Variants in MCTP2 observed in about 807,000 individuals in gnomAD.
MCTP2 encodes the protein multiple C2 and transmembrane domain containing 2.
In MCTP2, 132 loss-of-function variants were observed where a neutral mutation model predicts 111.6. The observed-to-expected ratio is 1.18, with a 90% CI of 1.03 to 1.37. The LOEUF (loss-of-function observed/expected upper bound fraction) is 1.37, where lower values mean the gene tolerates loss of function less well. Among genes scored for constraint, MCTP2 ranks in the 40% most tolerant of loss-of-function variants. The pLI is 0.00. For missense variants in MCTP2, 1,183 were observed against 1,067.9 expected (o/e 1.11, Z -1.50); for synonymous variants, 395 against 387.7 (o/e 1.02, Z -0.22).
chr15:94,380,241 T>G (rs898173677), intron 12 of MCTP2, among the ~76,000 whole-genome samples: 5 of 152,122 alleles, frequency 3.3e-5, no homozygotes, highest in Non-Finnish European at 4.4e-5. Context: ...AGTGGAAATT[T>G]ACAAATGTGG....
At chr15:94,328,408 G>A (rs1391148349) in intron 4 of MCTP2, among the ~76,000 whole-genome samples, 2 of 152,188 alleles carry the variant, frequency 1.3e-5, no homozygotes, top group Non-Finnish European at 1.5e-5. Flanking sequence ...GATTCCAGGT[G>A]TGAGCCACCG....
intron 1 of MCTP2, among the ~76,000 whole-genome samples, chr15:94,247,766 T>C (rs550499029): frequency 6.6e-6 from 1 of 152,324 alleles, no homozygotes; most frequent in African/African-American, 2.4e-5. Context: ...TCCAAAAAGC[T>C]TAACAGTTAT....
chr15:94,275,635 A>G (rs941383162), intron 1 of MCTP2, among the ~76,000 whole-genome samples: 2 of 152,122 alleles, frequency 1.3e-5, no homozygotes, highest in African/African-American at 4.8e-5. Flanking sequence ...ACTCACTGAT[A>G]ATCTTGATTA....
rs139229657 is a variant in MCTP2 at position 94,400,704 on chromosome 15, C to T, written c.1965+709C>T. Among the ~76,000 whole-genome samples, 147 of 150,962 alleles carry T rather than the reference C, an allele frequency of 9.7e-4. 1 individual carries two copies. The highest frequency in any genetic ancestry group is 3.4e-3 in the African/African-American group (140 of 41,074). ...ATTTCACTTTGTACCTATCGTCCCTCTTCAATTGTATAACAAAGAACAAAG... is the reference window on the plus strand; with the variant it reads ...ATTTCACTTTGTACCTATCGTCCCTTTTCAATTGTATAACAAAGAACAAAG... On this transcript the variant is annotated intron_variant, in intron 16 of 22. Transcript: ENST00000357742.
At chr15:94,276,685 G>A (rs965579689) in intron 1 of MCTP2, among the ~76,000 whole-genome samples, 1 of 94,024 alleles carries the variant, frequency 1.1e-5, no homozygotes, top group African/African-American at 6.8e-5. Context: ...TTATATCTCA[G>A]AATGAAAAAG....
chr15:94,315,570 C>G lies in MCTP2; in HGVS notation c.570C>G (p.Ser190Arg). 1.2e-6 allele frequency: 2 copies of G among 1,614,140 alleles called. No homozygotes were observed. The highest frequency in any genetic ancestry group is 2.2e-5 in the South Asian group (2 of 91,078). Reference sequence around the variant, plus strand: ...GTGATGGCTTGAGTAACCTCCCCAGCCCTTTTGCGTACCTCCTCACCATAC... The same window carrying G: ...GTGATGGCTTGAGTAACCTCCCCAGGCCTTTTGCGTACCTCCTCACCATAC... ...EASDGLSNLP[S>R]PFAYLLTIHL... Residue 190 changes from serine (S) to arginine (R), a missense_variant, in exon 4 of 23, where the codon AGC (serine) becomes AGG (arginine). Transcript: ENST00000357742.
chr15:94,242,357 A>C (rs1246404682), intron 1 of MCTP2, among the ~76,000 whole-genome samples: 1 of 152,182 alleles, frequency 6.6e-6, no homozygotes, highest in Non-Finnish European at 1.5e-5. Flanking sequence ...TGCACATAAC[A>C]GATACTTCAT....
intron 17 of MCTP2, among the ~76,000 whole-genome samples, chr15:94,429,931 A>C (rs989517987): frequency 6.6e-6 from 1 of 152,118 alleles, no homozygotes; most frequent in Non-Finnish European, 1.5e-5. Flanking sequence ...TCAAGCTCTT[A>C]ATCTTCAAAT....
intron 4 of MCTP2, among the ~76,000 whole-genome samples, chr15:94,335,462 C>A (rs1419591518): frequency 6.6e-6 from 1 of 152,116 alleles, no homozygotes; most frequent in South Asian, 2.1e-4. Flanking sequence ...TAAGTCTAAA[C>A]AAATTCTGAC....
chr15:94,232,815 A>G (rs1187796564), intron 1 of MCTP2, among the ~76,000 whole-genome samples: 2 of 152,212 alleles, frequency 1.3e-5, no homozygotes, highest in Non-Finnish European at 1.5e-5. Context: ...CATTAGCCTG[A>G]TCAGTCATTC....
chr15:94,436,211 T>C (rs942344679), intron 17 of MCTP2, among the ~76,000 whole-genome samples: 6 of 152,214 alleles, frequency 3.9e-5, no homozygotes, highest in Non-Finnish European at 7.3e-5. Flanking sequence ...AAATTTTTCA[T>C]TGGAGTTTTA....
intron 8 of MCTP2, among the ~76,000 whole-genome samples, chr15:94,349,576 G>A (rs1336162485): frequency 5.9e-5 from 9 of 152,136 alleles, no homozygotes; most frequent in Admixed American, 5.9e-4. Context: ...GATAAAAAAA[G>A]ACTGGAGGCT....
chr15:94,441,620 A>G (rs1384630390), intron 18 of MCTP2, among the ~76,000 whole-genome samples: 1 of 152,232 alleles, frequency 6.6e-6, no homozygotes, highest in Non-Finnish European at 1.5e-5. Flanking sequence ...TTTATAAAAC[A>G]TTGAAAATAA....
chr15:94,291,338 C>T (rs1430398139), intron 1 of MCTP2, among the ~76,000 whole-genome samples: 2 of 152,162 alleles, frequency 1.3e-5, no homozygotes, highest in Non-Finnish European at 2.9e-5. Context: ...TGTGGTGGCT[C>T]ACACCTGTAA....
intron 8 of MCTP2, chr15:94,355,935 A>G: frequency 8.3e-7 from 1 of 1,208,406 alleles, no homozygotes; most frequent in Non-Finnish European, 1.0e-6. Context: ...CCTTCACTAT[A>G]TTATTACCAC....
At chr15:94,365,674 C>T (rs546681830) in intron 10 of MCTP2, among the ~76,000 whole-genome samples, 118 of 152,154 alleles carry the variant, frequency 7.8e-4, no homozygotes, top group African/African-American at 2.8e-3. Flanking sequence ...ATTTTAGTAG[C>T]ACTTACTTAT....
chr15:94,257,273 C>T (rs1412782275), intron 1 of MCTP2, among the ~76,000 whole-genome samples: 1 of 152,110 alleles, frequency 6.6e-6, no homozygotes, highest in Non-Finnish European at 1.5e-5. Context: ...TATATATCCT[C>T]ATGGGAACAC....
chr15:94,245,290 G>GTA (rs199791909), intron 1 of MCTP2, among the ~76,000 whole-genome samples: 3,371 of 138,714 alleles, frequency 0.024, 114 homozygotes, highest in African/African-American at 0.084. Flanking sequence ...ATACACATAT[G>GTA]TATATATTTA....
intron 4 of MCTP2, among the ~76,000 whole-genome samples, chr15:94,323,944 G>A (rs1244799936): frequency 6.6e-6 from 1 of 151,678 alleles, no homozygotes; most frequent in Non-Finnish European, 1.5e-5. Context: ...ATTATTTTCC[G>A]GGATGTTATA....
Sources: allele counts gnomAD v4.1 joint callset (sites outside exome capture counted in the v4.1 genomes callset), GRCh38; gene constraint gnomAD v4.1.1; transcripts MANE v1.5; gene names NCBI Gene and HGNC (gene_info 2026-07-23, HGNC 2026-07-21).